TBL1XR1: variants seen among roughly 807,000 people sequenced by gnomAD.
The protein encoded by TBL1XR1 is TBL1X/Y related 1, also known as F-box-like/WD repeat-containing protein TBL1XR1.
A neutral mutation model predicts 66.9 loss-of-function variants in TBL1XR1; 5 were observed. The ratio of observed to expected loss-of-function variants is 0.07; its 90% confidence interval spans 0.04 to 0.16. TBL1XR1 has a LOEUF of 0.16. TBL1XR1 is among the 10% of genes least tolerant of loss of function. The pLI, the probability that TBL1XR1 is intolerant of heterozygous loss-of-function variation, is 1.00. For missense variants in TBL1XR1, 238 were observed against 623.2 expected (o/e 0.38, Z 6.58); for synonymous variants, 210 against 206.0 (o/e 1.02, Z -0.17).
At chr3:177,049,959 C>G in intron 7 of TBL1XR1, 38 bp downstream of exon 7, 1 of 1,603,680 alleles carries the variant, frequency 6.2e-7, no homozygotes, top group Non-Finnish European at 8.5e-7. Context: ...GTTAGGTATA[C>G]TAGTAATTAT....
intron 2 of TBL1XR1, among the ~76,000 whole-genome samples, chr3:177,077,994 G>C (rs1720899830): frequency 6.6e-6 from 1 of 152,168 alleles, no homozygotes; most frequent in African/African-American, 2.4e-5. Context: ...CTGTGAAAGA[G>C]AATAAAACCT....
intron 1 of TBL1XR1, among the ~76,000 whole-genome samples, chr3:177,181,128 C>T (rs1440009388): frequency 6.6e-6 from 1 of 152,154 alleles, no homozygotes; most frequent in East Asian, 1.9e-4. Context: ...CCATCACCTA[C>T]TCCCATTTCT....
At chr3:177,167,318 T>C (rs1308466690) in intron 1 of TBL1XR1, among the ~76,000 whole-genome samples, 3 of 152,140 alleles carry the variant, frequency 2.0e-5, no homozygotes, top group Non-Finnish European at 4.4e-5. Flanking sequence ...AGCCAGAAGG[T>C]TGCCAGGAAG....
intron 1 of TBL1XR1, among the ~76,000 whole-genome samples, chr3:177,160,095 A>G (rs1731995814): frequency 6.6e-6 from 1 of 152,154 alleles, no homozygotes; most frequent in South Asian, 2.1e-4. Flanking sequence ...GAACAAAATA[A>G]TAGTACTTTC....
intron 14 of TBL1XR1, among the ~76,000 whole-genome samples, chr3:177,030,019 A>C (rs1243556225): frequency 6.6e-6 from 1 of 152,166 alleles, no homozygotes; most frequent in African/African-American, 2.4e-5. Context: ...ATGCACGTTG[A>C]AGAGCAGTTA....
At chr3:177,064,017 C>G (rs1369686016) in intron 3 of TBL1XR1, among the ~76,000 whole-genome samples, 3 of 152,170 alleles carry the variant, frequency 2.0e-5, no homozygotes, top group Admixed American at 6.5e-5. Context: ...AAGAATGATT[C>G]AAGTCTCAAA....
At chr3:177,192,694 A>G (rs1402805272) in intron 1 of TBL1XR1, among the ~76,000 whole-genome samples, 2 of 152,234 alleles carry the variant, frequency 1.3e-5, no homozygotes, top group Non-Finnish European at 2.9e-5. Context: ...AAGCAAATAA[A>G]ATGTAATACA....
intron 1 of TBL1XR1, among the ~76,000 whole-genome samples, chr3:177,165,021 C>CT (rs200148106): frequency 6.0e-4 from 91 of 152,134 alleles, no homozygotes; most frequent in African/African-American, 2.1e-3. Context: ...AACCTTAATG[C>CT]CTTCCTTCTT....
chr3:177,198,385 A>C (rs1452059702), upstream of TBL1XR1, among the ~76,000 whole-genome samples: 1 of 152,224 alleles, frequency 6.6e-6, no homozygotes, highest in African/African-American at 2.4e-5. Context: ...TAATGTAACT[A>C]AATGTTTACT....
chr3:177,198,548 G>A (rs991096454), upstream of TBL1XR1, among the ~76,000 whole-genome samples: 2 of 152,118 alleles, frequency 1.3e-5, no homozygotes, highest in African/African-American at 4.8e-5. Context: ...TTTTAAAGAA[G>A]GGAGGCACCT....
Position 177,025,389 on chromosome 3 carries a change from T to C in TBL1XR1, c.*109A>G. On this transcript the variant is annotated 3_prime_UTR_variant, in exon 16 of 16. Transcript: ENST00000457928. ...TATATATTTCTTTTAGATTTGGCTG[T>C]AGTGGACTGGCCATGGTTCAAGTGG... 1 of 1,116,056 alleles carries C rather than the reference T, an allele frequency of 9.0e-7. No homozygotes were observed. The highest frequency in any genetic ancestry group is 1.3e-6 in the Non-Finnish European group (1 of 753,088). The allele number at this position is 1,116,056 out of a possible 1,614,324, so 69.1% of individuals were successfully genotyped here.
At chr3:177,196,044 C>T (rs1423457006) in intron 1 of TBL1XR1, among the ~76,000 whole-genome samples, 1 of 152,126 alleles carries the variant, frequency 6.6e-6, no homozygotes, top group East Asian at 1.9e-4. Flanking sequence ...TTAAAAGCCA[C>T]AACCCAAATT....
intron 1 of TBL1XR1, among the ~76,000 whole-genome samples, chr3:177,105,108 T>G (rs2108691076): frequency 6.6e-6 from 1 of 152,350 alleles, no homozygotes; most frequent in South Asian, 2.1e-4. Context: ...CACTCCAAAT[T>G]TACGGATACT....
At chr3:177,201,706 A>C (rs565904460), upstream of TBL1XR1, 1 of 152,188 alleles carries the variant, frequency 6.6e-6, no homozygotes, top group African/African-American at 2.4e-5. Context: ...ATATTCTCCT[A>C]GTGCTATAAC....
chr3:177,118,539 A>C (rs764374122), intron 1 of TBL1XR1, among the ~76,000 whole-genome samples: 5 of 152,254 alleles, frequency 3.3e-5, no homozygotes, highest in African/African-American at 7.2e-5. Context: ...GAAAGGAAAT[A>C]AAAAGACAGA....
intron 1 of TBL1XR1, among the ~76,000 whole-genome samples, chr3:177,112,859 C>T (rs931868647): frequency 6.6e-6 from 1 of 151,880 alleles, no homozygotes; most frequent in African/African-American, 2.4e-5. Context: ...AAAAATTAGT[C>T]GGGCGTGGTA....
chr3:177,091,061 T>G (rs80153605), intron 2 of TBL1XR1: 1 of 146,764 alleles, frequency 6.8e-6, no homozygotes, highest in Non-Finnish European at 1.5e-5. Context: ...GAGCAGGAAT[T>G]GGGGAGATAG....
At chr3:177,191,602 T>C (rs923221033) in intron 1 of TBL1XR1, among the ~76,000 whole-genome samples, 2 of 152,262 alleles carry the variant, frequency 1.3e-5, no homozygotes, top group Middle Eastern at 6.8e-3. Context: ...TGGTTAAAAA[T>C]GGGAAGTGAA....
intron 2 of TBL1XR1, among the ~76,000 whole-genome samples, chr3:177,074,570 C>T (rs868293913): frequency 2.6e-5 from 4 of 152,092 alleles, no homozygotes; most frequent in African/African-American, 9.7e-5. Flanking sequence ...TTCCTCATCC[C>T]CACCTTCTCG....
Sources: gnomAD v4.1 joint callset for allele counts (sites outside exome capture counted in the v4.1 genomes callset) on GRCh38, gnomAD v4.1.1 for gene constraint, MANE v1.5 for transcripts, NCBI Gene and HGNC (gene_info 2026-07-23, HGNC 2026-07-21) for gene names.